ZFYVE28: variants seen among roughly 807,000 people sequenced by gnomAD.
The protein encoded by ZFYVE28 is lateral signaling target protein 2 homolog.
In ZFYVE28, 40 loss-of-function variants were observed where a neutral mutation model predicts 82.1. The ratio of observed to expected loss-of-function variants is 0.49; its 90% CI spans 0.38 to 0.63. ZFYVE28 has a LOEUF of 0.63. Ranked by LOEUF, ZFYVE28 falls within the 30% of genes least tolerant of loss-of-function variation. The pLI is 0.00. For synonymous variants in ZFYVE28, 612 were observed against 546.1 expected (o/e 1.12, Z -1.68); for missense variants, 1,321 against 1,242.1 (o/e 1.06, Z -0.96).
chr4:2,284,745 C>T (rs150284154), intron 8 of ZFYVE28, among the ~76,000 whole-genome samples: 2 of 152,252 alleles, frequency 1.3e-5, no homozygotes, highest in Admixed American at 1.3e-4. Context: ...TCTGTGAGTC[C>T]TGGGATCAGG....
chr4:2,304,294 G>A lies in ZFYVE28; in HGVS notation c.2046C>T (p.Gly682=), dbSNP rs1194852007. 10 of 1,570,418 alleles carry A rather than the reference G, an allele frequency of 6.4e-6. No individual in the cohort carries two copies. Among genetic ancestry groups the A allele is most frequent in the African/African-American group, 2.7e-5 (2 of 73,612 alleles). ...SAHEAPQALS[G]SSSSTAGSCS... ...TGGGCCAGACTGGCTCTTACCTGGA[G>A]CCCGACAGGGCCTGAGGCGCCTCGT... is the stretch of plus-strand genomic sequence containing the variant. Residue 682 remains glycine, a synonymous_variant, in exon 8 of 13, where the codon GGC becomes GGT. Coordinates refer to ENST00000290974, the MANE Select transcript of ZFYVE28 (RefSeq NM_020972.3).
intron 6 of ZFYVE28, among the ~76,000 whole-genome samples, chr4:2,333,472 C>T (rs1465911540): frequency 1.3e-5 from 2 of 151,792 alleles, no homozygotes; most frequent in African/African-American, 2.4e-5. Flanking sequence ...CGCCTGTACT[C>T]GGGCAAACAC....
Position 2,339,370 on chromosome 4 carries a change from G to T in ZFYVE28, c.521+83C>A. 4 of 1,462,140 alleles carry T rather than the reference G, an allele frequency of 2.7e-6. No homozygotes were observed. The South Asian group carries it at 5.3e-5, about 19-fold the overall frequency. 90.6% of individuals were successfully genotyped at this position (1,462,140 alleles called of 1,614,324 possible). On this transcript the variant is annotated intron_variant, in intron 4 of 12. Transcript: ENST00000290974. This position sits in a 1 kb window ranked among gnomAD's most constrained non-coding sequence, Gnocchi z 5.0. ...CTCCCTCTGTGGAATTTTCCAGCTT[G>T]AAGTATCAGGGTGAGCCCCGGAAGC... is the stretch of plus-strand genomic sequence containing the variant.
chr4:2,292,664 T>A (rs1411048143), intron 8 of ZFYVE28, among the ~76,000 whole-genome samples: 1 of 152,156 alleles, frequency 6.6e-6, no homozygotes, highest in East Asian at 1.9e-4. Flanking sequence ...GATTTTGTAG[T>A]CAAAAATCTT....
In ZFYVE28 at chr4:2,307,469, T is replaced by C. The variant is rs994637430; in HGVS notation, c.804-1933A>G. Among the ~76,000 whole-genome samples, 17 of 152,146 alleles carry C rather than the reference T, an allele frequency of 1.1e-4. 1 individual carries two copies. The highest frequency in any genetic ancestry group is 3.4e-4 in the African/African-American group (14 of 41,428). ...TCCCACTCTGTGGTCACAAAGATGT[T>C]CTCCTTGATATTTTCCTCTAAAAGC... is the stretch of plus-strand genomic sequence containing the variant. On this transcript the variant is annotated intron_variant, in intron 7 of 12. Coordinates refer to ENST00000290974, the MANE Select transcript of ZFYVE28 (RefSeq NM_020972.3).
Position 2,291,345 on chromosome 4 carries a change from T to C in ZFYVE28, c.2051+12944A>G, listed in dbSNP as rs992994945. On this transcript the variant is annotated intron_variant, in intron 8 of 12. Transcript: ENST00000290974. ...CCATGGGGTGGAGGAAAACGACCCC[T>C]TGAGAATGCTTCCTGGAGCCACTGG... is the stretch of plus-strand genomic sequence containing the variant. 7.2e-5 allele frequency among the ~76,000 whole-genome samples: 11 copies of C among 152,178 alleles called. No homozygotes were observed. In the East Asian group the frequency reaches 1.5e-3, roughly 21 times the overall value.
chr4:2,408,295 C>G lies in ZFYVE28; in HGVS notation c.39+9990G>C, dbSNP rs916628902. Reference sequence around the variant, plus strand: ...GCCAGCATTTCCCTGCATCCCCACACCTGCCCTTTGAGATGTGACTCTGCT... The same window carrying G: ...GCCAGCATTTCCCTGCATCCCCACAGCTGCCCTTTGAGATGTGACTCTGCT... On this transcript the variant is annotated intron_variant, in intron 1 of 12. Coordinates refer to ENST00000290974, the MANE Select transcript of ZFYVE28 (RefSeq NM_020972.3). The surrounding 1 kb of genome is among the most constrained non-coding windows in gnomAD (Gnocchi z 4.3). Among the ~76,000 whole-genome samples, 4 of 152,212 alleles carry G rather than the reference C, an allele frequency of 2.6e-5. No homozygotes were observed. Among genetic ancestry groups the G allele is most frequent in the African/African-American group, 9.6e-5 (4 of 41,454 alleles).
At chr4:2,363,145 C>T (rs1346184427) in intron 1 of ZFYVE28, among the ~76,000 whole-genome samples, 1 of 152,030 alleles carries the variant, frequency 6.6e-6, no homozygotes, top group Admixed American at 6.5e-5. Flanking sequence ...ACAGTTTAAT[C>T]CCTCATATGA....
chr4:2,289,614 T>C (rs1577916192), intron 8 of ZFYVE28, among the ~76,000 whole-genome samples: 1 of 152,182 alleles, frequency 6.6e-6, no homozygotes, highest in Admixed American at 6.5e-5. Context: ...CCCCCTGGGG[T>C]GATCCTCCTG....
chr4:2,379,491 T>TTATAATCA (rs1347511411), intron 1 of ZFYVE28, among the ~76,000 whole-genome samples: 2 of 152,300 alleles, frequency 1.3e-5, no homozygotes, highest in East Asian at 3.9e-4. Flanking sequence ...TGTCAGCACA[T>TTATAATCA]TATAATCATT....
In ZFYVE28 at chr4:2,360,409, A is replaced by ATCTG. The variant is rs1282330243; in HGVS notation, c.40-6337_40-6336insCAGA. The stretch of plus-strand genomic sequence containing the variant: ...TGTAATCACACACACACACACACAC[A>ATCTG]CACACACACACACACACAGGCACGC... On this transcript the variant is annotated intron_variant, in intron 1 of 12. Transcript: ENST00000290974. Among the ~76,000 whole-genome samples, 141 of 151,732 alleles carry ATCTG rather than the reference A, an allele frequency of 9.3e-4. 2 individuals are homozygous for ATCTG. Among genetic ancestry groups the ATCTG allele is most frequent in the Middle Eastern group, 3.4e-3 (1 of 294 alleles).
At chr4:2,271,854 G>A (rs914992288) in intron 10 of ZFYVE28, 75 bp from the exon 11 acceptor site, 1 of 1,384,382 alleles carries the variant, frequency 7.2e-7, no homozygotes, top group Non-Finnish European at 1.0e-6. Context: ...GCACTTGCTG[G>A]GCACAGCTGG....
At chr4:2,347,972 A>C (rs1258301543) in intron 2 of ZFYVE28, among the ~76,000 whole-genome samples, 1 of 152,176 alleles carries the variant, frequency 6.6e-6, no homozygotes, top group Admixed American at 6.5e-5. Context: ...CAATCAGAGC[A>C]GAAATTTAAT....
At chr4:2,296,710 G>A (rs28621025) in intron 8 of ZFYVE28, among the ~76,000 whole-genome samples, 8,595 of 152,160 alleles carry the variant, frequency 0.056, 570 homozygotes, top group East Asian at 0.2. Context: ...CCCAGTGAGG[G>A]GGAGGGGAGG....
At chr4:2,354,458 T>TA (rs1247687724) in intron 1 of ZFYVE28, among the ~76,000 whole-genome samples, 1 of 149,340 alleles carries the variant, frequency 6.7e-6, no homozygotes, top group African/African-American at 2.5e-5. Flanking sequence ...AGGAAATTTT[T>TA]TTTTTTTTTT....
At chr4:2,378,715 T>C (rs1281370681) in intron 1 of ZFYVE28, among the ~76,000 whole-genome samples, 1 of 152,180 alleles carries the variant, frequency 6.6e-6, no homozygotes, top group Non-Finnish European at 1.5e-5. Flanking sequence ...AGACTAGGTA[T>C]TGATCCACCC....
At chr4:2,369,970 C>T (rs1727348961) in intron 1 of ZFYVE28, among the ~76,000 whole-genome samples, 1 of 150,850 alleles carries the variant, frequency 6.6e-6, no homozygotes, top group African/African-American at 2.4e-5. Context: ...CCTGCCTCAG[C>T]CTCCCGAGCA....
intron 1 of ZFYVE28, among the ~76,000 whole-genome samples, chr4:2,373,238 C>T (rs956708073): frequency 6.6e-6 from 1 of 152,184 alleles, no homozygotes; most frequent in African/African-American, 2.4e-5. Context: ...TGGCTCGTGC[C>T]TGTAATCCCA....
intron 7 of ZFYVE28, among the ~76,000 whole-genome samples, chr4:2,312,726 C>CAAA (rs1170479977): frequency 2.5e-3 from 162 of 64,658 alleles, no homozygotes; most frequent in African/African-American, 2.8e-3. Flanking sequence ...GACTCTGCCT[C>CAAA]AAAAAAAAAA....
Sources: gnomAD v4.1 joint callset for allele counts (sites outside exome capture counted in the v4.1 genomes callset) on GRCh38, gnomAD v4.1.1 for gene constraint, Gnocchi (gnomAD v3.1) non-coding constraint, MANE v1.5 for transcripts, NCBI Gene and HGNC (gene_info 2026-07-23, HGNC 2026-07-21) for gene names.